GALNT9: variants seen among roughly 807,000 people sequenced by gnomAD.
GALNT9 encodes the protein polypeptide N-acetylgalactosaminyltransferase 9, also known as GalNAc transferase 9.
Under a neutral mutation model 63.1 loss-of-function variants are expected in GALNT9, and 47 were observed. The ratio of observed to expected loss-of-function variants is 0.75; its 90% CI spans 0.59 to 0.95. The LOEUF is 0.95. GALNT9 is among the 40% of genes least tolerant of loss of function. The probability of loss-of-function intolerance (pLI) is 0.00; values close to 1 mark genes in which losing one functional copy is unlikely to be tolerated. For synonymous variants in GALNT9, 396 were observed against 365.7 expected (o/e 1.08, Z -0.94); for missense variants, 829 against 874.8 (o/e 0.95, Z 0.66).
chr12:132,230,042 C>T (rs1292099549), intron 6 of GALNT9, among the ~76,000 whole-genome samples: 5 of 152,162 alleles, frequency 3.3e-5, no homozygotes, highest in South Asian at 2.1e-4. Context: ...CCTGGGCAGG[C>T]GTGTGGCTGC....
At chr12:132,250,983 G>A (rs1010997137) in intron 5 of GALNT9, among the ~76,000 whole-genome samples, 3 of 152,196 alleles carry the variant, frequency 2.0e-5, no homozygotes, top group African/African-American at 7.2e-5. Flanking sequence ...AAACAGCAGC[G>A]CGCGCGTAAG....
At chr12:132,266,617 G>A (rs1441483700) in intron 2 of GALNT9, among the ~76,000 whole-genome samples, 1 of 152,260 alleles carries the variant, frequency 6.6e-6, no homozygotes, top group African/African-American at 2.4e-5. Context: ...TGAAGCCTCT[G>A]GAGGGGCACA....
chr12:132,290,757 C>A (rs1277662289), intron 1 of GALNT9, among the ~76,000 whole-genome samples: 1 of 98,402 alleles, frequency 1.0e-5, no homozygotes, highest in Non-Finnish European at 2.0e-5. Flanking sequence ...CACCCACATC[C>A]ACAGCACCCA....
intron 1 of GALNT9, among the ~76,000 whole-genome samples, chr12:132,321,361 TC>T (rs1210475467): frequency 6.6e-6 from 1 of 152,116 alleles, no homozygotes; most frequent in African/African-American, 2.4e-5. Context: ...TCCTGGCAGA[TC>T]CGAGTGAAAC....
chr12:132,229,921 C>T (rs936502028), intron 6 of GALNT9, among the ~76,000 whole-genome samples: 25 of 152,344 alleles, frequency 1.6e-4, no homozygotes, highest in African/African-American at 6.0e-4. Context: ...CAGCCCCAAT[C>T]TCAGCCACCT....
intron 1 of GALNT9, among the ~76,000 whole-genome samples, chr12:132,313,557 C>T (rs1368087202): frequency 6.9e-5 from 9 of 129,576 alleles, no homozygotes; most frequent in Non-Finnish European, 8.2e-5. Flanking sequence ...CATCTACCCA[C>T]CCATCCATAC....
At chr12:132,295,945 TCCGAACAGGGAC>T (rs1566016660) in intron 1 of GALNT9, among the ~76,000 whole-genome samples, 2 of 136,178 alleles carry the variant, frequency 1.5e-5, no homozygotes, top group African/African-American at 5.8e-5. Context: ...AGGGACGGCC[TCCGAACAGGGAC>T]GGCCTCCGGA....
intron 2 of GALNT9, among the ~76,000 whole-genome samples, chr12:132,285,217 C>T (rs1880541143): frequency 6.6e-6 from 1 of 152,230 alleles, no homozygotes; most frequent in South Asian, 2.1e-4. Flanking sequence ...CCTGCCACCA[C>T]CCCACGGTGA....
chr12:132,235,441 T>G (rs1312606488), intron 6 of GALNT9, among the ~76,000 whole-genome samples: 1 of 150,334 alleles, frequency 6.7e-6, no homozygotes, highest in Admixed American at 6.6e-5. Context: ...AGGGAGAGAG[T>G]GTTGGGGGGC....
chr12:132,323,705 C>A (rs968106017), intron 1 of GALNT9, among the ~76,000 whole-genome samples: 2 of 152,270 alleles, frequency 1.3e-5, no homozygotes, highest in African/African-American at 4.8e-5. Flanking sequence ...TAGCCACGAA[C>A]CAGCCTCATC....
At position 132,291,414 on chromosome 12, in the gene GALNT9, G is replaced by A. The variant is rs1279854083; in HGVS notation, c.239-4984C>T. On this transcript the variant is annotated intron_variant, in intron 1 of 10. Coordinates refer to ENST00000328957, the MANE Select transcript of GALNT9 (RefSeq NM_001122636.2). Reference sequence around the variant, plus strand: ...CAGCACCCACGTCCACAGCGCACACGTCCACAGCACCCACAACCACAGCGC... The same window carrying A: ...CAGCACCCACGTCCACAGCGCACACATCCACAGCACCCACAACCACAGCGC... Among the ~76,000 whole-genome samples, 123 of 38,980 alleles carry A rather than the reference G, an allele frequency of 3.2e-3. 4 individuals are homozygous for A. Among genetic ancestry groups the A allele is most frequent in the Middle Eastern group, 0.025 (1 of 40 alleles). The allele number at this position is 38,980 out of a possible 152,430, so 25.6% of individuals were successfully genotyped here. A position where few individuals can be genotyped will look rare whatever the true frequency, so the allele number is the denominator to read the frequency against.
chr12:132,220,242 G>A (rs1044612791), intron 6 of GALNT9, among the ~76,000 whole-genome samples: 1 of 152,176 alleles, frequency 6.6e-6, no homozygotes, highest in Non-Finnish European at 1.5e-5. Context: ...CAGGATGACA[G>A]CAATACCCTG....
At chr12:132,317,138 TCATCCTACACCCCACAGAGCACGGCCC>T (rs373598450) in intron 1 of GALNT9, among the ~76,000 whole-genome samples, 6,831 of 66,666 alleles carry the variant, frequency 0.1, 516 homozygotes, top group African/African-American at 0.29. Flanking sequence ...GAGCACAGCC[TCATCCTACACCCCACAGAGCACGGCCC>T]CATCCTACAC....
intron 2 of GALNT9, among the ~76,000 whole-genome samples, chr12:132,272,403 C>A (rs1319121615): frequency 6.6e-6 from 1 of 152,232 alleles, no homozygotes; most frequent in Admixed American, 6.5e-5. Flanking sequence ...AGCGCCACCA[C>A]CCTACTGCCG....
intron 6 of GALNT9, among the ~76,000 whole-genome samples, chr12:132,219,071 C>A (rs1208145932): frequency 6.6e-6 from 1 of 152,230 alleles, no homozygotes; most frequent in Admixed American, 6.5e-5. Context: ...GAGAGCAGAG[C>A]CAAGTGCCTG....
chr12:132,300,052 C>A (rs1241447332), intron 1 of GALNT9, among the ~76,000 whole-genome samples: 1 of 144,006 alleles, frequency 6.9e-6, no homozygotes, highest in African/African-American at 2.6e-5. Context: ...TCCCACCACA[C>A]CTAACCCATC....
intron 6 of GALNT9, chr12:132,205,928 AGCCCT>A (rs1421119856): frequency 1.3e-5 from 2 of 152,184 alleles, no homozygotes; most frequent in African/African-American, 4.8e-5. Flanking sequence ...AGCACCTCGG[AGCCCT>A]GCCCTTCGCT....
At chr12:132,262,664 C>G in intron 2 of GALNT9, 39 bp from the exon 3 acceptor site, 5 of 1,474,640 alleles carry the variant, frequency 3.4e-6, no homozygotes, top group Non-Finnish European at 4.5e-6. Flanking sequence ...CAGGGCGCAG[C>G]ATGAGGGACC....
rs377144604 is a variant in GALNT9, at chr12:132,201,163, C to A, written c.1362G>T (p.Pro454=). ...GGGTGTTGTTGTAGACCCTCATCTC[C>A]GGGTACACGTTCTCCAGGTACCACT... ...SFKWYLENVY[P]EMRVYNNTLT... Residue 454 remains proline (P), a synonymous_variant, in exon 8 of 11, where the codon CCG becomes CCT. Transcript: ENST00000328957. 1 of 1,613,396 alleles carries A rather than the reference C, an allele frequency of 6.2e-7. No individual in the cohort carries two copies. The highest frequency in any genetic ancestry group is 1.1e-5 in the South Asian group (1 of 90,922).
Sources: gnomAD v4.1 joint callset for allele counts (sites outside exome capture counted in the v4.1 genomes callset) on GRCh38, gnomAD v4.1.1 for gene constraint, MANE v1.5 for transcripts, NCBI Gene and HGNC (gene_info 2026-07-23, HGNC 2026-07-21) for gene names.